DENND4C: variants seen among roughly 807,000 people sequenced by gnomAD.
The protein encoded by DENND4C is DENN domain containing 4C.
Under a neutral mutation model 203.0 loss-of-function variants are expected in DENND4C, and 108 were observed. That is an observed-to-expected ratio of 0.53 (90% CI 0.46 to 0.62). DENND4C has a LOEUF of 0.62. Ranked by LOEUF, DENND4C falls within the 20% of genes least tolerant of loss-of-function variation. The pLI is 0.00. For missense variants in DENND4C, 2,481 were observed against 2,301.2 expected (o/e 1.08, Z -1.60); for synonymous variants, 871 against 792.4 (o/e 1.10, Z -1.67).
intron 1 of DENND4C, among the ~76,000 whole-genome samples, chr9:19,251,295 A>T (rs914924368): frequency 1.3e-5 from 2 of 152,218 alleles, no homozygotes; most frequent in Non-Finnish European, 2.9e-5. Context: ...GGCTCATTTT[A>T]ATCACAGCTG....
chr9:19,293,734 CA>C (rs1477140553), intron 5 of DENND4C, among the ~76,000 whole-genome samples: 2 of 152,166 alleles, frequency 1.3e-5, no homozygotes, highest in Non-Finnish European at 2.9e-5. Flanking sequence ...TGTTGAAAAG[CA>C]ACAGCAGGTA....
At chr9:19,344,410 C>T (rs1479636742) in intron 22 of DENND4C, among the ~76,000 whole-genome samples, 4 of 152,138 alleles carry the variant, frequency 2.6e-5, no homozygotes, top group African/African-American at 4.8e-5. Context: ...AGGGAAAGAT[C>T]GCTTGAGGCC....
chr9:19,330,202 A>AT (rs534386787), intron 16 of DENND4C, among the ~76,000 whole-genome samples: 1,681 of 150,604 alleles, frequency 0.011, 27 homozygotes, highest in African/African-American at 0.039. Flanking sequence ...TTATAGCAGA[A>AT]TTTTTTTTTT....
intron 20 of DENND4C, among the ~76,000 whole-genome samples, chr9:19,337,985 T>G (rs1820854169): frequency 6.6e-6 from 1 of 152,182 alleles, no homozygotes; most frequent in African/African-American, 2.4e-5. Context: ...TTTCAGCTGT[T>G]AAGGTGGTGT....
chr9:19,335,322 A>G (rs928997275), intron 18 of DENND4C, among the ~76,000 whole-genome samples: 1 of 152,212 alleles, frequency 6.6e-6, no homozygotes, highest in African/African-American at 2.4e-5. Flanking sequence ...CAATCGAGCT[A>G]TTAAATAATT....
At chr9:19,277,684 T>G (rs1430671646) in intron 2 of DENND4C, among the ~76,000 whole-genome samples, 1 of 152,038 alleles carries the variant, frequency 6.6e-6, no homozygotes, top group Non-Finnish European at 1.5e-5. Flanking sequence ...TGGCTAGAAC[T>G]TTTAGTATGT....
In DENND4C at chr9:19,306,659, T is replaced by C. The variant is rs571206841; in HGVS notation, c.1487+1132T>C. 5.0e-4 allele frequency among the ~76,000 whole-genome samples: 76 copies of C among 152,088 alleles called. 1 individual carries two copies. The highest frequency in any genetic ancestry group is 3.4e-3 in the Middle Eastern group (1 of 294). Reference sequence around the variant, plus strand: ...AATAAAATAATATGGAGATTCTTAATTTTGCGCAGTTTTGAGTAACTTTTA... The same window carrying C: ...AATAAAATAATATGGAGATTCTTAACTTTGCGCAGTTTTGAGTAACTTTTA... On this transcript the variant is annotated intron_variant, in intron 10 of 32. Transcript: ENST00000434457.
At chr9:19,267,109 G>C (rs1408971659) in intron 1 of DENND4C, among the ~76,000 whole-genome samples, 1 of 152,166 alleles carries the variant, frequency 6.6e-6, no homozygotes, top group South Asian at 2.1e-4. Context: ...GAAATGTTCT[G>C]TAAGTATCTG....
chr9:19,234,539 T>TG (rs1008109503), intron 1 of DENND4C, among the ~76,000 whole-genome samples: 9 of 149,168 alleles, frequency 6.0e-5, no homozygotes, highest in Non-Finnish European at 1.5e-5. Context: ...TGTTTTTTTT[T>TG]TTTTTTTTTT....
chr9:19,356,609 ATTTTTT>A (rs887796304), intron 26 of DENND4C, among the ~76,000 whole-genome samples: 1 of 147,816 alleles, frequency 6.8e-6, no homozygotes, highest in Admixed American at 6.8e-5. Context: ...GCAGCTCTTT[ATTTTTT>A]TTTTTAACTC....
At chr9:19,337,390 C>T (rs1430759927) in intron 20 of DENND4C, among the ~76,000 whole-genome samples, 4 of 152,068 alleles carry the variant, frequency 2.6e-5, no homozygotes, top group Non-Finnish European at 5.9e-5. Flanking sequence ...GTTACATATC[C>T]TTCTTCTTGT....
chr9:19,336,447 C>G, intron 19 of DENND4C, 33 bp downstream of exon 19: 1 of 1,594,464 alleles, frequency 6.3e-7, no homozygotes, highest in Non-Finnish European at 8.5e-7. Context: ...TAATTCCTTA[C>G]TGAACCATGA....
At chr9:19,246,465 G>T (rs1260090383) in intron 1 of DENND4C, among the ~76,000 whole-genome samples, 43 of 152,114 alleles carry the variant, frequency 2.8e-4, no homozygotes, top group Non-Finnish European at 2.9e-5. Context: ...TAGAGATGAG[G>T]TCTCGCTATG....
intron 1 of DENND4C, among the ~76,000 whole-genome samples, chr9:19,270,299 A>G (rs1831375909): frequency 6.6e-6 from 1 of 152,170 alleles, no homozygotes; most frequent in African/African-American, 2.4e-5. Flanking sequence ...AGGGCTCTTT[A>G]TTCAGCGGGT....
chr9:19,326,833 C>G (rs886663365), intron 15 of DENND4C, among the ~76,000 whole-genome samples: 1 of 151,950 alleles, frequency 6.6e-6, no homozygotes, highest in Non-Finnish European at 1.5e-5. Context: ...CTTTAGTGGT[C>G]TGAACATTTT....
At chr9:19,314,709 G>A (rs776368145) in intron 10 of DENND4C, among the ~76,000 whole-genome samples, 72 of 152,134 alleles carry the variant, frequency 4.7e-4, no homozygotes, top group South Asian at 1.2e-3. Context: ...AATAGAACCT[G>A]ATTAAAAAAT....
At chr9:19,263,120 C>G (rs1395675372) in intron 1 of DENND4C, among the ~76,000 whole-genome samples, 1 of 152,056 alleles carries the variant, frequency 6.6e-6, no homozygotes, top group Non-Finnish European at 1.5e-5. Flanking sequence ...CTTCTATAAC[C>G]AATTTTTGAG....
chr9:19,286,108 C>A (rs978387651), intron 2 of DENND4C, among the ~76,000 whole-genome samples: 3 of 152,140 alleles, frequency 2.0e-5, no homozygotes, highest in Admixed American at 6.5e-5. Context: ...CCAAAGGCAG[C>A]TGGAATTTAG....
intron 1 of DENND4C, among the ~76,000 whole-genome samples, chr9:19,266,228 G>A (rs529796553): frequency 5.1e-4 from 78 of 152,236 alleles, no homozygotes; most frequent in African/African-American, 1.8e-3. Flanking sequence ...ATTTTTTCAT[G>A]TGTCTGTTGG....
Sources: gnomAD v4.1 joint callset for allele counts (sites outside exome capture counted in the v4.1 genomes callset) on GRCh38, gnomAD v4.1.1 for gene constraint, MANE v1.5 for transcripts, NCBI Gene and HGNC (gene_info 2026-07-23, HGNC 2026-07-21) for gene names.